SEMA3C: variants seen among roughly 807,000 people sequenced by gnomAD.
SEMA3C encodes the protein semaphorin-3C.
A neutral mutation model predicts 89.4 loss-of-function variants in SEMA3C; 47 were observed. The observed-to-expected ratio is 0.53, with a 90% CI of 0.42 to 0.67. The LOEUF (loss-of-function observed/expected upper bound fraction) is 0.67, where lower values mean the gene tolerates loss of function less well. SEMA3C is among the 30% of genes least tolerant of loss of function. The probability of loss-of-function intolerance (pLI) is 0.00; values close to 1 mark genes in which losing one functional copy is unlikely to be tolerated. For synonymous variants in SEMA3C, 310 were observed against 320.2 expected (o/e 0.97, Z 0.34); for missense variants, 839 against 929.1 (o/e 0.90, Z 1.26).
At chr7:80,834,749 G>C (rs1790086901) in intron 2 of SEMA3C, among the ~76,000 whole-genome samples, 1 of 152,098 alleles carries the variant, frequency 6.6e-6, no homozygotes, top group South Asian at 2.1e-4. Context: ...CCTACAGATA[G>C]CAAAATCCAG....
At chr7:80,770,112 T>G (rs559099719) in intron 12 of SEMA3C, among the ~76,000 whole-genome samples, 1 of 152,286 alleles carries the variant, frequency 6.6e-6, no homozygotes, top group South Asian at 2.1e-4. Flanking sequence ...AAGAAAGTAC[T>G]GAGTGAGTTG....
intron 2 of SEMA3C, among the ~76,000 whole-genome samples, chr7:80,836,679 AAAACAAACAAACAAAC>A (rs201820910): frequency 6.6e-6 from 1 of 150,844 alleles, no homozygotes; most frequent in Admixed American, 6.6e-5. Flanking sequence ...CTCCATCTCA[AAAACAAACAAACAAAC>A]AAACAAACAA....
chr7:80,891,454 G>T (rs1158285003), intron 2 of SEMA3C, among the ~76,000 whole-genome samples: 2 of 151,748 alleles, frequency 1.3e-5, no homozygotes, highest in Non-Finnish European at 2.9e-5. Context: ...TCTGAGAAAT[G>T]AACTTTATCC....
chr7:80,780,959 A>G (rs964849237), intron 12 of SEMA3C, among the ~76,000 whole-genome samples: 1 of 152,204 alleles, frequency 6.6e-6, no homozygotes, highest in Admixed American at 6.5e-5. Context: ...CACTAAAAAA[A>G]GATTTTGAGA....
chr7:80,805,805 T>A (rs539742273), intron 6 of SEMA3C, 47 bp from the exon 7 acceptor site: 21 of 1,456,970 alleles, frequency 1.4e-5, no homozygotes, highest in Non-Finnish European at 1.9e-5. Flanking sequence ...TAAAGCTATT[T>A]TGAAATTCTA....
rs537770079 is a variant in SEMA3C, at chr7:80,826,114, A to C, written c.327+1311T>G. Among the ~76,000 whole-genome samples the C allele has an allele frequency of 7.1e-4, 108 of 152,240 alleles. 2 individuals carry two copies. The South Asian group carries it at 0.022, about 31-fold the overall frequency. On this transcript the variant is annotated intron_variant, in intron 4 of 17. Coordinates refer to ENST00000265361, the MANE Select transcript of SEMA3C (RefSeq NM_006379.5). ...CAGAGTCTTCCATGGCCCTGCCTTG[A>C]GCCAAAAACTTTTGCAACTTTACAC...
chr7:80,884,840 C>T (rs1467518612), intron 2 of SEMA3C, among the ~76,000 whole-genome samples: 3 of 152,092 alleles, frequency 2.0e-5, no homozygotes, highest in African/African-American at 7.2e-5. Context: ...AATCAAAAAC[C>T]AGGTTGTGAT....
chr7:80,778,458 T>C (rs1019838833), intron 12 of SEMA3C, among the ~76,000 whole-genome samples: 9 of 152,340 alleles, frequency 5.9e-5, no homozygotes, highest in African/African-American at 2.2e-4. Context: ...TCATGAATTG[T>C]ATGGTCACTC....
chr7:80,812,872 C>T (rs1236587420), intron 5 of SEMA3C, among the ~76,000 whole-genome samples: 2 of 151,876 alleles, frequency 1.3e-5, no homozygotes, highest in Non-Finnish European at 2.9e-5. Context: ...CGGCAACCTC[C>T]ACATCCCAGG....
intron 12 of SEMA3C, among the ~76,000 whole-genome samples, chr7:80,766,033 C>T (rs1388042685): frequency 6.6e-6 from 1 of 152,104 alleles, no homozygotes; most frequent in African/African-American, 2.4e-5. Flanking sequence ...GTATAAGTCA[C>T]TAGGATTGGA....
rs138595058 is a variant in SEMA3C at position 80,884,645 on chromosome 7, A to G, written c.103+32034T>C. On this transcript the variant is annotated intron_variant, in intron 2 of 17. Coordinates refer to ENST00000265361, the MANE Select transcript of SEMA3C (RefSeq NM_006379.5). ...GCGAGAATGTAAGCAGTTCACTCTC[A>G]TACAAACAACGGCTTTGTCTGCCAT... Among the ~76,000 whole-genome samples, 682 of 152,348 alleles carry G rather than the reference A, an allele frequency of 4.5e-3. 5 individuals are homozygous for G. Among genetic ancestry groups the G allele is most frequent in the African/African-American group, 0.016 (654 of 41,580 alleles).
At chr7:80,894,265 A>T (rs1203946822) in intron 2 of SEMA3C, among the ~76,000 whole-genome samples, 1 of 152,186 alleles carries the variant, frequency 6.6e-6, no homozygotes, top group Admixed American at 6.5e-5. Flanking sequence ...AAGAATATAA[A>T]GAAAACACAG....
chr7:80,827,859 T>C (rs571101834), intron 3 of SEMA3C, among the ~76,000 whole-genome samples: 36 of 152,252 alleles, frequency 2.4e-4, no homozygotes, highest in Non-Finnish European at 4.7e-4. Context: ...TCTTTCTCAG[T>C]TAGTATTATT....
intron 2 of SEMA3C, among the ~76,000 whole-genome samples, chr7:80,832,987 AC>A (rs1386002031): frequency 6.6e-6 from 1 of 152,086 alleles, no homozygotes; most frequent in Non-Finnish European, 1.5e-5. Context: ...TTTTTTCCAA[AC>A]CATTATTTTT....
At chr7:80,867,776 AAC>A (rs1240261502) in intron 2 of SEMA3C, among the ~76,000 whole-genome samples, 1 of 152,162 alleles carries the variant, frequency 6.6e-6, no homozygotes, top group Non-Finnish European at 1.5e-5. Context: ...ATGAGAAGGA[AAC>A]ACTCAAAATC....
chr7:80,852,477 G>A (rs146428009), intron 2 of SEMA3C, among the ~76,000 whole-genome samples: 1,844 of 152,180 alleles, frequency 0.012, 39 homozygotes, highest in African/African-American at 0.042. Context: ...AAGCAAAAAC[G>A]GGATCATCTC....
rs1290135667 is a variant in SEMA3C at position 80,879,738 on chromosome 7, A to C, written c.103+36941T>G. On this transcript the variant is annotated intron_variant, in intron 2 of 17. Coordinates refer to ENST00000265361, the MANE Select transcript of SEMA3C (RefSeq NM_006379.5). ...GTGATATATTAGCTTTTGTTGAGGT[A>C]ATATATAACTAAAGTTTTAGTGTAA... Among the ~76,000 whole-genome samples, 4 of 152,194 alleles carry C rather than the reference A, an allele frequency of 2.6e-5. No homozygotes were observed. The East Asian group carries it at 7.7e-4, about 29-fold the overall frequency.
intron 2 of SEMA3C, among the ~76,000 whole-genome samples, chr7:80,845,479 A>G (rs927369053): frequency 3.9e-5 from 6 of 152,062 alleles, no homozygotes; most frequent in Non-Finnish European, 8.8e-5. Flanking sequence ...ACAAGCAGCG[A>G]ATGGCACCAG....
intron 2 of SEMA3C, among the ~76,000 whole-genome samples, chr7:80,909,671 T>C (rs1053790101): frequency 4.6e-5 from 7 of 152,138 alleles, no homozygotes; most frequent in Non-Finnish European, 2.9e-5. Context: ...TGGAATATTC[T>C]AGGGATTGAC....
Sources: allele counts gnomAD v4.1 joint callset (sites outside exome capture counted in the v4.1 genomes callset), GRCh38; gene constraint gnomAD v4.1.1; transcripts MANE v1.5; gene names NCBI Gene and HGNC (gene_info 2026-07-23, HGNC 2026-07-21).